Variants in PPM1F observed in about 807,000 individuals in gnomAD.
The protein encoded by PPM1F is protein phosphatase, Mg2+/Mn2+ dependent 1F, also known as protein phosphatase 1F.
PPM1F carries 17 observed loss-of-function variants against 35.5 expected under a neutral mutation model. That is an observed-to-expected ratio of 0.48 (90% CI 0.33 to 0.72). The LOEUF is 0.72. Ranked by LOEUF, PPM1F falls within the 30% of genes least tolerant of loss-of-function variation. PPM1F has a pLI of 0.02. For synonymous variants in PPM1F, 241 were observed against 255.5 expected (o/e 0.94, Z 0.54); for missense variants, 521 against 613.0 (o/e 0.85, Z 1.59).
chr22:21,933,860 C>G (rs1411264423), intron 4 of PPM1F, among the ~76,000 whole-genome samples, 164 bp downstream of exon 4: 1 of 152,222 alleles, frequency 6.6e-6, no homozygotes, highest in Non-Finnish European at 1.5e-5. Context: ...TCATAACAGA[C>G]TCACACTGTT....
chr22:21,931,502 G>GTTTATTTATTTA (rs58214157), intron 5 of PPM1F, among the ~76,000 whole-genome samples: 130 of 151,414 alleles, frequency 8.6e-4, no homozygotes, highest in African/African-American at 2.8e-3. Context: ...CAATAAAGAT[G>GTTTATTTATTTA]TTTATTTATT....
intron 2 of PPM1F, chr22:21,941,279 G>C (rs1269108991): frequency 6.6e-6 from 1 of 152,426 alleles, no homozygotes; most frequent in Non-Finnish European, 1.5e-5. Flanking sequence ...CTCTGACCCT[G>C]GTGTGGAGGG....
chr22:21,951,070 C>T (rs890683685), intron 1 of PPM1F: 6 of 151,908 alleles, frequency 3.9e-5, no homozygotes, highest in African/African-American at 1.5e-4. Flanking sequence ...ATCCTTTTAA[C>T]CATTTCTAAG....
At chr22:21,931,355 G>T (rs893506563) in intron 5 of PPM1F, 64 bp from the exon 6 acceptor site, 4 of 1,479,632 alleles carry the variant, frequency 2.7e-6, no homozygotes, top group African/African-American at 1.4e-5. Flanking sequence ...ATGACACGGG[G>T]CAGGATGAAG....
At chr22:21,942,961 G>C (rs1043549167) in intron 2 of PPM1F, 1 of 152,274 alleles carries the variant, frequency 6.6e-6, no homozygotes. Context: ...GAGGCTTATA[G>C]TCTAGTGGCA....
At chr22:21,934,365 A>G (rs746476402) in intron 3 of PPM1F, 139 bp from the exon 4 acceptor site, 9 of 653,732 alleles carry the variant, frequency 1.4e-5, no homozygotes, top group African/African-American at 1.8e-5. Context: ...CAACTCAATA[A>G]CGCGCACATG....
Position 21,931,979 on chromosome 22 carries a change from A to AT in PPM1F, c.748-689dup, listed in dbSNP as rs754346108. On this transcript the variant is annotated intron_variant, in intron 5 of 7. Coordinates refer to ENST00000263212, the MANE Select transcript of PPM1F (RefSeq NM_014634.4). Reference sequence around the variant, plus strand: ...AGGCGCGTGCCACCATACCTGGCTAATTTTTTTTTTTAATTTTTAGTAGAG... The same window carrying AT: ...AGGCGCGTGCCACCATACCTGGCTAATTTTTTTTTTTTAATTTTTAGTAGAG... 8.3e-4 allele frequency among the ~76,000 whole-genome samples: 123 copies of AT among 148,316 alleles called. 1 individual carries two copies. Among genetic ancestry groups the AT allele is most frequent in the African/African-American group, 9.9e-4 (40 of 40,450 alleles).
chr22:21,936,583 G>GAAACA (rs1163123590), intron 3 of PPM1F: 4 of 152,178 alleles, frequency 2.6e-5, no homozygotes, highest in African/African-American at 4.8e-5. Flanking sequence ...CAGGTGTTAC[G>GAAACA]AAACAAAGAG....
chr22:21,927,956 T>G lies in PPM1F; in HGVS notation c.892-2294A>C, dbSNP rs1238329988. On this transcript the variant is annotated intron_variant, in intron 6 of 7. Coordinates refer to ENST00000263212, the MANE Select transcript of PPM1F (RefSeq NM_014634.4). ...TTTTTTGTTTTGTTTTTTTTTTTTT[T>G]TTTTTTTTTTTTTTGGAGACAGGGT... Among the ~76,000 whole-genome samples, 503 of 142,304 alleles carry G rather than the reference T, an allele frequency of 3.5e-3. 11 individuals carry two copies. The highest frequency in any genetic ancestry group is 0.012 in the African/African-American group (460 of 38,520). 93.4% of individuals were successfully genotyped at this position (142,304 alleles called of 152,430 possible). A position where few individuals can be genotyped will look rare whatever the true frequency, so the allele number is the denominator to read the frequency against.
chr22:21,944,674 C>T (rs1243535718), intron 2 of PPM1F: 1 of 152,246 alleles, frequency 6.6e-6, no homozygotes, highest in Non-Finnish European at 1.5e-5. Context: ...AGACAGACAG[C>T]CTAACTCCAA....
intron 3 of PPM1F, chr22:21,937,349 G>A (rs1028734957): frequency 1.3e-5 from 2 of 152,782 alleles, no homozygotes; most frequent in Non-Finnish European, 2.9e-5. Flanking sequence ...GCAGGGGTGG[G>A]GGCATCCAGA....
At chr22:21,937,907 A>C (rs1170083896) in intron 3 of PPM1F, 4 of 360,264 alleles carry the variant, frequency 1.1e-5, no homozygotes, top group Non-Finnish European at 2.0e-5. Flanking sequence ...ACTGGCAGCC[A>C]CACAGAGGTT....
At chr22:21,933,014 C>T (rs1055758372) in intron 5 of PPM1F, among the ~76,000 whole-genome samples, 5 of 152,144 alleles carry the variant, frequency 3.3e-5, no homozygotes, top group Non-Finnish European at 5.9e-5. Context: ...CTCTGTGAGG[C>T]GTGGCCCCTC....
chr22:21,940,563 G>A (rs1346926252), intron 2 of PPM1F: 1 of 152,222 alleles, frequency 6.6e-6, no homozygotes, highest in African/African-American at 2.4e-5. Flanking sequence ...GAGACCTGGG[G>A]GATGAACCTA....
At chr22:21,947,898 G>T (rs1320580685) in intron 1 of PPM1F, 3 of 152,180 alleles carry the variant, frequency 2.0e-5, no homozygotes, top group Non-Finnish European at 4.4e-5. Context: ...AGAGGGAAAG[G>T]TCCCAGCACC....
At chr22:21,925,879 T>C in intron 6 of PPM1F, 1 of 461,768 alleles carries the variant, frequency 2.2e-6, no homozygotes, top group Non-Finnish European at 3.8e-6. Context: ...GTTGCAGGAA[T>C]GGTGAAATGA....
chr22:21,928,113 C>T (rs546831689), intron 6 of PPM1F, among the ~76,000 whole-genome samples: 1 of 151,960 alleles, frequency 6.6e-6, no homozygotes, highest in Non-Finnish European at 1.5e-5. Flanking sequence ...CAGCTCTTCC[C>T]TCTGCTCCTC....
rs182398532 is a variant in PPM1F at position 21,924,345 on chromosome 22, G to A, written c.986-874C>T. Among the ~76,000 whole-genome samples the A allele has an allele frequency of 9.1e-3, 1,364 of 149,770 alleles. 12 individuals are homozygous for A. The highest frequency in any genetic ancestry group is 0.012 in the Non-Finnish European group (839 of 67,758). On this transcript the variant is annotated intron_variant, in intron 7 of 7. Coordinates refer to ENST00000263212, the MANE Select transcript of PPM1F (RefSeq NM_014634.4). ...TGCAATGGTGCAATCTTGGCTCACC[G>A]CAACCTCCACCTCCAGGGTTCAGGT...
chr22:21,936,958 C>T (rs1321722433), intron 3 of PPM1F: 2 of 152,132 alleles, frequency 1.3e-5, no homozygotes, highest in Non-Finnish European at 2.9e-5. Flanking sequence ...GAAAAAATAC[C>T]CAAATCCTAC....
Sources: allele counts gnomAD v4.1 joint callset (sites outside exome capture counted in the v4.1 genomes callset), GRCh38; gene constraint gnomAD v4.1.1; transcripts MANE v1.5; gene names NCBI Gene and HGNC (gene_info 2026-07-23, HGNC 2026-07-21).